CACNA2D3: variants seen among roughly 807,000 people sequenced by gnomAD.
CACNA2D3 encodes the protein voltage-dependent calcium channel subunit alpha-2/delta-3.
In CACNA2D3, 60 loss-of-function variants were observed where a neutral mutation model predicts 160.6. That is an observed-to-expected ratio of 0.37 (90% confidence interval 0.30 to 0.46). The LOEUF (loss-of-function observed/expected upper bound fraction) is 0.46. Ranked by LOEUF, CACNA2D3 falls within the 20% of genes least tolerant of loss-of-function variation. The pLI is 1.00. For missense variants in CACNA2D3, 1,205 were observed against 1,365.0 expected (o/e 0.88, Z 1.85); for synonymous variants, 558 against 492.9 (o/e 1.13, Z -1.75).
intron 11 of CACNA2D3, among the ~76,000 whole-genome samples, chr3:54,646,197 T>C (rs1197932195): frequency 3.2e-4 from 3 of 9,388 alleles, no homozygotes; most frequent in Non-Finnish European, 4.9e-4. Context: ...CTTCCTTGCT[T>C]CCTTCCTTCC....
At chr3:54,862,228 A>T (rs927978626) in intron 17 of CACNA2D3, among the ~76,000 whole-genome samples, 1 of 152,200 alleles carries the variant, frequency 6.6e-6, no homozygotes, top group African/African-American at 2.4e-5. Context: ...CTCAGCTGGA[A>T]GGATCTGGGA....
rs1704878574 is a variant in CACNA2D3, at chr3:55,073,865, TCTGAGAA to T, written c.3183+10_3183+16del. The T allele has an allele frequency of 6.2e-7, 1 of 1,610,642 alleles. No homozygotes were observed. Among genetic ancestry groups the T allele is most frequent in the South Asian group, 1.1e-5 (1 of 90,856 alleles). The stretch of plus-strand genomic sequence containing the variant: ...GTCATGGCTTCCATCCTGAGGTAAG[TCTGAGAA>T]CTGTTCCTGTTTCCTTTTCCCATCA... On this transcript the variant is annotated splice_region_variant and intron_variant, in intron 37 of 37. Coordinates refer to ENST00000474759, the MANE Select transcript of CACNA2D3 (RefSeq NM_018398.3).
intron 5 of CACNA2D3, among the ~76,000 whole-genome samples, chr3:54,536,977 T>C (rs1202544077): frequency 2.0e-5 from 3 of 152,152 alleles, no homozygotes; most frequent in Non-Finnish European, 4.4e-5. Context: ...AGGCAGACTG[T>C]TGCGCATGAA....
rs531847690 is a variant in CACNA2D3 at position 54,355,343 on chromosome 3, A to ACTC, written c.322-31370_322-31368dup. 1.6e-3 allele frequency among the ~76,000 whole-genome samples: 236 copies of ACTC among 152,256 alleles called. 2 individuals carry two copies. The highest frequency in any genetic ancestry group is 5.4e-3 in the African/African-American group (224 of 41,558). ...ATGTGATCTGATTTCCAATCCGGGC[A>ACTC]CTCCGGCTGCTGTATAGAGACTAGT... On this transcript the variant is annotated intron_variant, in intron 3 of 37. Coordinates refer to ENST00000474759, the MANE Select transcript of CACNA2D3 (RefSeq NM_018398.3).
chr3:54,278,833 G>A (rs1375781016), intron 2 of CACNA2D3, among the ~76,000 whole-genome samples: 8 of 152,068 alleles, frequency 5.3e-5, no homozygotes, highest in South Asian at 2.1e-4. Context: ...AGGGCCTGTC[G>A]GGGGATGGGG....
At chr3:54,930,198 T>C (rs1701149294) in intron 27 of CACNA2D3, among the ~76,000 whole-genome samples, 1 of 152,118 alleles carries the variant, frequency 6.6e-6, no homozygotes, top group South Asian at 2.1e-4. Flanking sequence ...GGTTATCCCA[T>C]CCTCTGGCAA....
At chr3:54,195,204 T>C (rs985932632) in intron 2 of CACNA2D3, among the ~76,000 whole-genome samples, 1 of 135,864 alleles carries the variant, frequency 7.4e-6, no homozygotes, top group Admixed American at 7.7e-5. Context: ...GTCTGGCCGT[T>C]GTCCCAGGGC....
intron 27 of CACNA2D3, among the ~76,000 whole-genome samples, chr3:54,922,296 C>T (rs1700874465): frequency 6.6e-6 from 1 of 151,142 alleles, no homozygotes; most frequent in South Asian, 2.1e-4. Context: ...TCCCAGGTTG[C>T]TTCCAGTGCC....
At chr3:54,806,715 T>C (rs562361849) in intron 13 of CACNA2D3, among the ~76,000 whole-genome samples, 2 of 152,194 alleles carry the variant, frequency 1.3e-5, no homozygotes, top group Non-Finnish European at 2.9e-5. Flanking sequence ...TTAAAGTTCA[T>C]ATGGAACCAA....
At chr3:54,918,559 T>C in intron 27 of CACNA2D3, 2 of 1,614,062 alleles carry the variant, frequency 1.2e-6, no homozygotes, top group Non-Finnish European at 8.5e-7. Context: ...GATTGCCGCA[T>C]AGGTGCAGCC....
chr3:54,268,356 T>A (rs1161327570), intron 2 of CACNA2D3, among the ~76,000 whole-genome samples: 1 of 152,164 alleles, frequency 6.6e-6, no homozygotes, highest in Admixed American at 6.5e-5. Context: ...GTGGACCCAA[T>A]CTCATTGTGC....
Position 54,764,199 on chromosome 3 carries a change from C to T in CACNA2D3, c.1247-19C>T. ...TTTCTGTCTGTTACTAAACTTGGCC[C>T]TCCCTTGGGTTTTGACAGGATTTTT... On this transcript the variant is annotated intron_variant, in intron 12 of 37. Transcript: ENST00000474759. The T allele has an allele frequency of 6.2e-7, 1 of 1,613,254 alleles. No individual in the cohort carries two copies. The highest frequency in any genetic ancestry group is 1.1e-5 in the South Asian group (1 of 90,992).
At chr3:54,798,457 A>G (rs749351118) in intron 13 of CACNA2D3, among the ~76,000 whole-genome samples, 1 of 151,952 alleles carries the variant, frequency 6.6e-6, no homozygotes, top group Non-Finnish European at 1.5e-5. Context: ...AATTGCTTGA[A>G]CCCGAGAGGC....
chr3:54,652,127 C>A (rs1044511585), intron 11 of CACNA2D3, among the ~76,000 whole-genome samples: 4 of 151,718 alleles, frequency 2.6e-5, no homozygotes, highest in Non-Finnish European at 5.9e-5. Context: ...AATAAATGCT[C>A]CACCCACCCC....
intron 3 of CACNA2D3, 21 bp from the exon 4 acceptor site, chr3:54,386,694 G>GTTTTTTTT (rs62967361): frequency 5.7e-5 from 80 of 1,408,068 alleles, no homozygotes; most frequent in South Asian, 2.0e-4. Context: ...GCTGTCTTCT[G>GTTTTTTTT]TTTTTTTTTT....
rs1290353261 is a variant in CACNA2D3 at position 54,687,135 on chromosome 3, GT to G, written c.1167+44909del. 5.6e-3 allele frequency among the ~76,000 whole-genome samples: 496 copies of G among 88,896 alleles called. 10 individuals carry two copies. Among genetic ancestry groups the G allele is most frequent in the African/African-American group, 0.02 (466 of 22,844 alleles). 58.3% of individuals were successfully genotyped at this position (88,896 alleles called of 152,430 possible). A position where few individuals can be genotyped will look rare whatever the true frequency, so the allele number is the denominator to read the frequency against. On this transcript the variant is annotated intron_variant, in intron 11 of 37. Coordinates refer to ENST00000474759, the MANE Select transcript of CACNA2D3 (RefSeq NM_018398.3). ...TTTTTCTTTTTCTTTTTTTTTTTTTGTTTTTTTTTTTTTTTGTTTTTTTGAC... is the reference window on the plus strand; with the variant it reads ...TTTTTCTTTTTCTTTTTTTTTTTTTGTTTTTTTTTTTTTTGTTTTTTTGAC...
chr3:55,033,905 A>C (rs1703758067), intron 35 of CACNA2D3, among the ~76,000 whole-genome samples: 1 of 138,614 alleles, frequency 7.2e-6, no homozygotes, highest in African/African-American at 2.6e-5. Context: ...TTAATATATA[A>C]TATAAAAATA....
chr3:54,122,909 C>G (rs1469985567), intron 1 of CACNA2D3, 74 bp downstream of exon 1: 2 of 1,174,206 alleles, frequency 1.7e-6, no homozygotes, highest in East Asian at 7.2e-5. Context: ...AGTTTGGGCG[C>G]CTGCAGGTGC....
chr3:55,010,121 A>G (rs1445301460), intron 34 of CACNA2D3, among the ~76,000 whole-genome samples: 1 of 152,168 alleles, frequency 6.6e-6, no homozygotes, highest in Admixed American at 6.5e-5. Flanking sequence ...CAGTGACTGG[A>G]ACATAAGTCC....
Sources: allele counts gnomAD v4.1 joint callset (sites outside exome capture counted in the v4.1 genomes callset), GRCh38; gene constraint gnomAD v4.1.1; transcripts MANE v1.5; gene names NCBI Gene and HGNC (gene_info 2026-07-23, HGNC 2026-07-21).